Variants in SPRED1 observed in about 807,000 individuals in gnomAD.
SPRED1 encodes sprouty related EVH1 domain containing 1.
Under a neutral mutation model 52.3 loss-of-function variants are expected in SPRED1, and 18 were observed. That is an observed-to-expected ratio of 0.34 (90% CI 0.24 to 0.51). The LOEUF is 0.51. Ranked by LOEUF, SPRED1 falls within the 20% of genes least tolerant of loss-of-function variation. The probability of loss-of-function intolerance (pLI) is 0.97; values close to 1 mark genes in which losing one functional copy is unlikely to be tolerated. For missense variants in SPRED1, 485 were observed against 551.0 expected (o/e 0.88, Z 1.20); for synonymous variants, 155 against 179.7 (o/e 0.86, Z 1.10).
intron 4 of SPRED1, among the ~76,000 whole-genome samples, chr15:38,325,716 G>C (rs900420858): frequency 5.3e-5 from 8 of 150,864 alleles, no homozygotes; most frequent in Non-Finnish European, 1.2e-4. Flanking sequence ...GAACTGAAGC[G>C]TTCAGACAAT....
rs750777752 is a variant in SPRED1 at position 38,299,392 on chromosome 15, C to A, written c.52C>A (p.Arg18=). Residue 18 remains arginine, a synonymous_variant, in exon 2 of 7, where the codon CGA becomes AGA. Coordinates refer to ENST00000299084, the MANE Select transcript of SPRED1 (RefSeq NM_152594.3). ...TTTTAGTAATAGTTATGCACGAGTG[C>A]GAGCTGTGGTGATGACCCGAGATGA... ...SDNDNSYARV[R]AVVMTRDDSS... 6.2e-7 allele frequency: 1 copy of A among 1,613,776 alleles called. No individual in the cohort carries two copies. The highest frequency in any genetic ancestry group is 8.5e-7 in the Non-Finnish European group (1 of 1,179,854).
intron 1 of SPRED1, among the ~76,000 whole-genome samples, chr15:38,298,381 A>G (rs1169263150): frequency 6.6e-6 from 1 of 152,184 alleles, no homozygotes. Context: ...AATGTCTACA[A>G]AAAAGACATG....
chr15:38,253,083 C>T lies in SPRED1; in HGVS notation c.-103C>T. The T allele has an allele frequency of 1.0e-6, 1 of 990,774 alleles. No homozygotes were observed. The highest frequency in any genetic ancestry group is 1.6e-6 in the Non-Finnish European group (1 of 642,600). 61.4% of individuals were successfully genotyped at this position (990,774 alleles called of 1,614,324 possible). A position where few individuals can be genotyped will look rare whatever the true frequency, so the allele number is the denominator to read the frequency against. On this transcript the variant is annotated 5_prime_UTR_variant, in exon 1 of 7. Transcript: ENST00000299084. ...GGTGAGGCCCCTGTGCCGCTGCCCC[C>T]GCGCCCCCCCGGCCGCCGCTGCCTC...
At position 38,270,723 on chromosome 15, in the gene SPRED1, A is replaced by G. The variant is rs1451501358; in HGVS notation, c.32+17506A>G. On this transcript the variant is annotated intron_variant, in intron 1 of 6. Transcript: ENST00000299084. ...CTCGACCTGAGATTTCAGTGGGGAC[A>G]CAGAGCCAAACCAAATCAGCATTAA... Among the ~76,000 whole-genome samples, 4 of 152,234 alleles carry G rather than the reference A, an allele frequency of 2.6e-5. No homozygotes were observed. In the East Asian group the frequency reaches 7.7e-4, roughly 29 times the overall value.
At chr15:38,285,453 C>G (rs1386083624) in intron 1 of SPRED1, among the ~76,000 whole-genome samples, 1 of 152,084 alleles carries the variant, frequency 6.6e-6, no homozygotes. Flanking sequence ...AGCAGCGAGT[C>G]TTTTGTGATG....
At chr15:38,332,856 ATTC>A (rs1380085402) in intron 4 of SPRED1, among the ~76,000 whole-genome samples, 1 of 152,152 alleles carries the variant, frequency 6.6e-6, no homozygotes, top group Non-Finnish European at 1.5e-5. Flanking sequence ...ATTTGTCACC[ATTC>A]TTGAGTCTCA....
chr15:38,332,889 G>C (rs1264908490), intron 4 of SPRED1, among the ~76,000 whole-genome samples: 1 of 152,188 alleles, frequency 6.6e-6, no homozygotes, highest in African/African-American at 2.4e-5. Context: ...TCAAGGCACA[G>C]ACTGTGCCTG....
intron 1 of SPRED1, among the ~76,000 whole-genome samples, chr15:38,276,197 T>C (rs1394462638): frequency 2.6e-5 from 4 of 151,736 alleles, no homozygotes; most frequent in Non-Finnish European, 5.9e-5. Context: ...CTAGGAGACA[T>C]TGTGCTGTGA....
intron 1 of SPRED1, among the ~76,000 whole-genome samples, chr15:38,281,585 T>G (rs1022389532): frequency 7.2e-6 from 1 of 139,688 alleles, no homozygotes; most frequent in Admixed American, 7.3e-5. Flanking sequence ...TTTTTTTTTG[T>G]AGAGACAGGG....
At chr15:38,306,397 C>G (rs760617415) in intron 2 of SPRED1, among the ~76,000 whole-genome samples, 5 of 152,072 alleles carry the variant, frequency 3.3e-5, no homozygotes, top group Non-Finnish European at 7.4e-5. Context: ...TTCCTTTTTA[C>G]TGTCATAGAT....
At chr15:38,335,229 C>T (rs1456443639) in intron 4 of SPRED1, among the ~76,000 whole-genome samples, 1 of 152,006 alleles carries the variant, frequency 6.6e-6, no homozygotes, top group Non-Finnish European at 1.5e-5. Flanking sequence ...TTATTCTCCT[C>T]CCTGTCCTCT....
At position 38,351,496 on chromosome 15, in the gene SPRED1, TC is replaced by T; in HGVS notation, c.1170del (p.Cys391ValfsTer15). 2 of 1,614,134 alleles carry T rather than the reference TC, an allele frequency of 1.2e-6. No individual in the cohort carries two copies. Among genetic ancestry groups the T allele is most frequent in the Non-Finnish European group, 1.7e-6 (2 of 1,180,022 alleles). ...CAGACTCAGAGGGAGATTTTTCTGA[TC>T]CCTGTTCGTGTGACACTAGCGACGA... is the stretch of plus-strand genomic sequence containing the variant. ...MSDSEGDFSD[P>X]CSCDTSDDKF... On this transcript the variant is annotated frameshift_variant, in exon 7 of 7. Transcript: ENST00000299084. LOFTEE classifies it high-confidence loss of function.
chr15:38,299,180 AC>A (rs1731285584), intron 1 of SPRED1, among the ~76,000 whole-genome samples, 192 bp from the exon 2 acceptor site: 2 of 152,158 alleles, frequency 1.3e-5, no homozygotes, highest in Non-Finnish European at 2.9e-5. Flanking sequence ...AAAATAAAGG[AC>A]AACCTTAAAG....
At chr15:38,327,765 C>T (rs1280105117) in intron 4 of SPRED1, among the ~76,000 whole-genome samples, 3 of 152,178 alleles carry the variant, frequency 2.0e-5, no homozygotes, top group African/African-American at 7.2e-5. Context: ...TCCCACATTT[C>T]TGACTTACAG....
At chr15:38,349,353 C>G (rs1896203915) in intron 5 of SPRED1, 69 bp from the exon 6 acceptor site, 3 of 1,194,958 alleles carry the variant, frequency 2.5e-6, no homozygotes, top group Admixed American at 1.7e-5. Flanking sequence ...GGTTTTGGAA[C>G]ATACACTGTA....
intron 1 of SPRED1, among the ~76,000 whole-genome samples, chr15:38,293,879 T>C (rs1327801596): frequency 4.6e-5 from 7 of 152,200 alleles, no homozygotes; most frequent in African/African-American, 1.7e-4. Context: ...CTACCTGATA[T>C]ACTGCTATTA....
intron 4 of SPRED1, among the ~76,000 whole-genome samples, chr15:38,327,427 G>A (rs1463187573): frequency 6.6e-6 from 1 of 152,130 alleles, no homozygotes; most frequent in African/African-American, 2.4e-5. Flanking sequence ...GGAATGTGTT[G>A]AAAATGAAGT....
chr15:38,286,451 T>G (rs1894812718), intron 1 of SPRED1, among the ~76,000 whole-genome samples: 1 of 151,852 alleles, frequency 6.6e-6, no homozygotes, highest in Admixed American at 6.6e-5. Flanking sequence ...ATCTTCTAAG[T>G]AAGCAGTCAC....
chr15:38,339,097 T>C (rs1278021858), intron 4 of SPRED1, among the ~76,000 whole-genome samples: 1 of 152,062 alleles, frequency 6.6e-6, no homozygotes, highest in Non-Finnish European at 1.5e-5. Context: ...CTTTGTGTTT[T>C]GTAGTGTGCT....
Sources: allele counts gnomAD v4.1 joint callset (sites outside exome capture counted in the v4.1 genomes callset), GRCh38; gene constraint gnomAD v4.1.1; transcripts MANE v1.5; gene names NCBI Gene and HGNC (gene_info 2026-07-23, HGNC 2026-07-21).